CRNKL1: variants seen among roughly 807,000 people sequenced by gnomAD.
CRNKL1 encodes the protein crooked neck-like protein 1.
A neutral mutation model predicts 103.7 loss-of-function variants in CRNKL1; 35 were observed. The observed-to-expected ratio is 0.34, with a 90% CI of 0.26 to 0.45. The LOEUF is 0.45. CRNKL1 is among the 20% of genes least tolerant of loss of function. The probability of loss-of-function intolerance (pLI) is 1.00; values close to 1 mark genes in which losing one functional copy is unlikely to be tolerated. For synonymous variants in CRNKL1, 267 were observed against 282.6 expected, an observed-to-expected ratio of 0.94 and a Z score of 0.55; for missense variants, 645 against 836.0, an observed-to-expected ratio of 0.77 and a Z score of 2.82.
At chr20:20,037,699 A>G in intron 12 of CRNKL1, 128 bp from the exon 13 acceptor site, 1 of 781,172 alleles carries the variant, frequency 1.3e-6, no homozygotes, top group Non-Finnish European at 2.0e-6. Context: ...TGTTTCACAG[A>G]TGAAAACAAT....
intron 3 of CRNKL1, among the ~76,000 whole-genome samples, chr20:20,048,783 T>C (rs1386558541): frequency 6.6e-6 from 1 of 152,146 alleles, no homozygotes; most frequent in Admixed American, 6.5e-5. Flanking sequence ...GGCTAAGTAG[T>C]AGGTAATTGT....
At chr20:20,043,786 T>A in intron 6 of CRNKL1, 124 bp from the exon 7 acceptor site, 1 of 835,204 alleles carries the variant, frequency 1.2e-6, no homozygotes, top group Non-Finnish European at 1.8e-6. Context: ...ATATCCAGAG[T>A]AAGATGCTTT....
At chr20:20,039,079 C>T (rs762355183) in intron 11 of CRNKL1, among the ~76,000 whole-genome samples, 3 of 152,228 alleles carry the variant, frequency 2.0e-5, no homozygotes, top group African/African-American at 2.4e-5. Context: ...ATGAGATTAA[C>T]AAAACGGCTG....
intron 11 of CRNKL1, 80 bp downstream of exon 11, chr20:20,039,529 A>G: frequency 6.6e-7 from 1 of 1,512,042 alleles, no homozygotes; most frequent in Non-Finnish European, 9.1e-7. Context: ...ACTCTAAAAT[A>G]CACCCACATT....
chr20:20,050,124 A>G (rs1337285749), intron 2 of CRNKL1, among the ~76,000 whole-genome samples: 1 of 152,178 alleles, frequency 6.6e-6, no homozygotes, highest in Non-Finnish European at 1.5e-5. Flanking sequence ...GCCAGATCTC[A>G]ATTCTTAACA....
chr20:20,036,870 T>C (rs1568755492), intron 13 of CRNKL1, among the ~76,000 whole-genome samples: 2 of 152,168 alleles, frequency 1.3e-5, no homozygotes, highest in Admixed American at 6.5e-5. Flanking sequence ...ATGGGTCTTC[T>C]TTCTCCAATC....
At chr20:20,042,596 A>G (rs1229681531) in intron 7 of CRNKL1, 80 bp from the exon 8 acceptor site, 8 of 1,335,826 alleles carry the variant, frequency 6.0e-6, no homozygotes, top group Admixed American at 4.6e-5. Flanking sequence ...GAAAAAAGGC[A>G]TCAGGCTGAC....
chr20:20,034,373 C>CTT lies in CRNKL1; in HGVS notation c.*1820_*1821dup, dbSNP rs1428035693. 2 of 152,078 alleles carry CTT rather than the reference C, an allele frequency of 1.3e-5. No homozygotes were observed. Among genetic ancestry groups the CTT allele is most frequent in the Non-Finnish European group, 2.9e-5 (2 of 68,012 alleles). 9.4% of individuals were successfully genotyped at this position (152,078 alleles called of 1,614,324 possible). On this transcript the variant is annotated 3_prime_UTR_variant, in exon 14 of 14. Transcript: ENST00000536226. ...GAAAAACCCACAAGAAATTATTAAA[C>CTT]TTTTACTATCGAAAGGATTTACTTT...
At chr20:20,042,557 A>G (rs2043532563) in intron 7 of CRNKL1, 41 bp from the exon 8 acceptor site, 1 of 1,558,636 alleles carries the variant, frequency 6.4e-7, no homozygotes, top group South Asian at 1.2e-5. Flanking sequence ...AACAAAACCA[A>G]GAGCTGCACT....
At position 20,034,968 on chromosome 20, in the gene CRNKL1, A is replaced by C. The variant is rs143527121; in HGVS notation, c.*1227T>G. The C allele has an allele frequency of 2.0e-5, 3 of 152,332 alleles. No homozygotes were observed. Among genetic ancestry groups the C allele is most frequent in the Non-Finnish European group, 2.9e-5 (2 of 68,038 alleles). 9.4% of individuals were successfully genotyped at this position (152,332 alleles called of 1,614,324 possible). Reference sequence around the variant, plus strand: ...TCCTTGGGCAGTGAACAAAGAAAAAATGTGCTTGAGAAACACAGTCCAGGT... The same window carrying C: ...TCCTTGGGCAGTGAACAAAGAAAAACTGTGCTTGAGAAACACAGTCCAGGT... On this transcript the variant is annotated 3_prime_UTR_variant, in exon 14 of 14. Coordinates refer to ENST00000536226, the MANE Select transcript of CRNKL1 (RefSeq NM_001278628.2).
At chr20:20,055,924 A>T (rs1189407633), upstream of CRNKL1, 1 of 1,559,532 alleles carries the variant, frequency 6.4e-7, no homozygotes, top group Non-Finnish European at 8.8e-7. Context: ...ATGAGAGAGA[A>T]ATTGAAATCA....
chr20:20,038,292 T>TTTC, intron 12 of CRNKL1, 57 bp downstream of exon 12: 1 of 1,053,776 alleles, frequency 9.5e-7, no homozygotes, highest in Non-Finnish European at 1.4e-6. Context: ...AATATATCAT[T>TTTC]TTCTTCTGGA....
chr20:20,052,290 A>G lies in CRNKL1; in HGVS notation c.51+2T>C, dbSNP rs141746930. The G allele has an allele frequency of 4.1e-4, 663 of 1,608,614 alleles. 1 individual carries two copies. The African/African-American group carries it at 7.3e-3, about 18-fold the overall frequency. On this transcript the variant is annotated splice_donor_variant, in intron 1 of 13. Coordinates refer to ENST00000536226, the MANE Select transcript of CRNKL1 (RefSeq NM_001278628.2). LOFTEE classifies it high-confidence loss of function. ...CCTACAAGGCCCCTCGCGATCGCCT[A>G]CCTTGGCCACTTTGGGAATCCGCTG...
intron 1 of CRNKL1, 47 bp from the exon 2 acceptor site, chr20:20,050,669 C>T (rs774633258): frequency 2.0e-6 from 3 of 1,537,584 alleles, no homozygotes; most frequent in Middle Eastern, 1.8e-4. Context: ...GCTCTTCACA[C>T]AAGGCTTAAG....
Position 20,034,776 on chromosome 20 carries a change from G to A in CRNKL1, c.*1419C>T, listed in dbSNP as rs2043392546. 1 of 152,202 alleles carries A rather than the reference G, an allele frequency of 6.6e-6. No individual in the cohort carries two copies. The highest frequency in any genetic ancestry group is 1.5e-5 in the Non-Finnish European group (1 of 68,042). The allele number at this position is 152,202 out of a possible 1,614,324, so 9.4% of individuals were successfully genotyped here. A position where few individuals can be genotyped will look rare whatever the true frequency, so the allele number is the denominator to read the frequency against. On this transcript the variant is annotated 3_prime_UTR_variant, in exon 14 of 14. Coordinates refer to ENST00000536226, the MANE Select transcript of CRNKL1 (RefSeq NM_001278628.2). Reference sequence around the variant, plus strand: ...AGATTTTATCTCAACAACAGTCCTAGTTTCTTCTGTCCTCAAACACTGTTA... The same window carrying A: ...AGATTTTATCTCAACAACAGTCCTAATTTCTTCTGTCCTCAAACACTGTTA...
In CRNKL1 at chr20:20,036,108, T is replaced by G. The variant is rs2043414472; in HGVS notation, c.*87A>C. ...AAGATACCAATCAATTTCTTACTGG[T>G]GAAATATATAAGAACTTCCAGGAGT... On this transcript the variant is annotated 3_prime_UTR_variant, in exon 14 of 14. Coordinates refer to ENST00000536226, the MANE Select transcript of CRNKL1 (RefSeq NM_001278628.2). The G allele has an allele frequency of 3.0e-6, 4 of 1,329,484 alleles. No individual in the cohort carries two copies. Among genetic ancestry groups the G allele is most frequent in the Non-Finnish European group, 3.1e-6 (3 of 974,486 alleles). The allele number at this position is 1,329,484 out of a possible 1,614,324, so 82.4% of individuals were successfully genotyped here. A position where few individuals can be genotyped will look rare whatever the true frequency, so the allele number is the denominator to read the frequency against.
rs2043401545 is a variant in CRNKL1, at chr20:20,035,256, TAA to T, written c.*937_*938del. 1 of 152,182 alleles carries T rather than the reference TAA, an allele frequency of 6.6e-6. No homozygotes were observed. The highest frequency in any genetic ancestry group is 2.1e-4 in the South Asian group (1 of 4,830). The allele number at this position is 152,182 out of a possible 1,614,324, so 9.4% of individuals were successfully genotyped here. ...TCCATTGTCCACTAAGTTTGGGAAA[TAA>T]ATAATATGGCAACATTGCTACTGGA... is the stretch of plus-strand genomic sequence containing the variant. On this transcript the variant is annotated 3_prime_UTR_variant, in exon 14 of 14. Transcript: ENST00000536226.
chr20:20,052,573 T>C (rs1234958038), upstream of CRNKL1: 14 of 1,613,878 alleles, frequency 8.7e-6, no homozygotes, highest in Admixed American at 3.3e-5. Context: ...GAGTGCGGCG[T>C]CCTGGAGCTG....
chr20:20,052,115 G>C (rs2043765017), intron 1 of CRNKL1, among the ~76,000 whole-genome samples, 177 bp downstream of exon 1: 1 of 152,070 alleles, frequency 6.6e-6, no homozygotes, highest in Non-Finnish European at 1.5e-5. Flanking sequence ...ACGCCAACGC[G>C]GGTCGTGCTC....
Sources: allele counts gnomAD v4.1 joint callset (sites outside exome capture counted in the v4.1 genomes callset), GRCh38; gene constraint gnomAD v4.1.1; transcripts MANE v1.5; gene names NCBI Gene and HGNC (gene_info 2026-07-23, HGNC 2026-07-21).